The following TRAPPC11 variants were observed in gnomAD, a reference collection of about 807,000 sequenced individuals.
The protein encoded by TRAPPC11 is foie gras homolog.
Under a neutral mutation model 151.2 loss-of-function variants are expected in TRAPPC11, and 104 were observed. The ratio of observed to expected loss-of-function variants is 0.69; its 90% CI spans 0.59 to 0.81. The LOEUF (loss-of-function observed/expected upper bound fraction) is 0.81. Ranked by LOEUF, TRAPPC11 falls within the 30% of genes least tolerant of loss-of-function variation. TRAPPC11 has a pLI of 0.00. For missense variants in TRAPPC11, 1,230 were observed against 1,349.6 expected (o/e 0.91, Z 1.39); for synonymous variants, 456 against 472.3 (o/e 0.97, Z 0.45).
chr4:183,709,979 C>G (rs192324867), intron 29 of TRAPPC11, among the ~76,000 whole-genome samples: 167 of 152,224 alleles, frequency 1.1e-3, no homozygotes, highest in Non-Finnish European at 1.7e-3. Context: ...TCCATAATGT[C>G]CCTTTAGCTG....
At position 183,663,742 on chromosome 4, in the gene TRAPPC11, T is replaced by TG. The variant is rs1734686591; in HGVS notation, c.-21-105_-21-104insG. The TG allele has an allele frequency of 5.9e-6, 3 of 509,020 alleles. No individual in the cohort carries two copies. In the South Asian group the frequency reaches 9.0e-5, roughly 15 times the overall value. The allele number at this position is 509,020 out of a possible 1,614,324, so 31.5% of individuals were successfully genotyped here. A position where few individuals can be genotyped will look rare whatever the true frequency, so the allele number is the denominator to read the frequency against. ...TTGGAAATGAATATGAGTTGTTTTT[T>TG]TTTTTTTTTTTTTGAGACAGAGTTT... On this transcript the variant is annotated intron_variant, in intron 1 of 29. Transcript: ENST00000334690.
intron 11 of TRAPPC11, among the ~76,000 whole-genome samples, chr4:183,683,620 C>T (rs527420674): frequency 1.2e-3 from 186 of 151,884 alleles, no homozygotes; most frequent in Non-Finnish European, 2.2e-3. Flanking sequence ...GTGATTGTAC[C>T]GCTGCACTCC....
chr4:183,693,939 G>A lies in TRAPPC11; in HGVS notation c.2409G>A (p.Gln803=). 3 of 1,613,662 alleles carry A rather than the reference G, an allele frequency of 1.9e-6. No homozygotes were observed. The highest frequency in any genetic ancestry group is 2.5e-6 in the Non-Finnish European group (3 of 1,179,662). Residue 803 remains glutamine, a synonymous_variant, in exon 22 of 30, where the codon CAG becomes CAA. Transcript: ENST00000334690. The part of the protein sequence containing the change: ...LKPGQDANLT[Q]KTHVTLHGTE... ...TAGGACAGGATGCCAATTTAACTCA[G>A]AAGACTCACGTGACTCTTCATGGAA...
At position 183,685,726 on chromosome 4, in the gene TRAPPC11, A is replaced by T. The variant is rs11936222; in HGVS notation, c.1762+323A>T. On this transcript the variant is annotated intron_variant, in intron 17 of 29. Coordinates refer to ENST00000334690, the MANE Select transcript of TRAPPC11 (RefSeq NM_021942.6). ...ATAATAAAATGGTTCTTTTTCATTT[A>T]AAATCTTGTCATCTACATTTCAGGA... 0.023 allele frequency among the ~76,000 whole-genome samples: 3,492 copies of T among 152,278 alleles called. 145 individuals carry two copies. Among genetic ancestry groups the T allele is most frequent in the African/African-American group, 0.08 (3,309 of 41,570 alleles).
intron 29 of TRAPPC11, 55 bp downstream of exon 29, chr4:183,708,629 C>CT: frequency 6.5e-7 from 1 of 1,535,388 alleles, no homozygotes. Flanking sequence ...AACAAACAGA[C>CT]TTCTTTTTCA....
chr4:183,703,627 T>C (rs1222833748), intron 26 of TRAPPC11, among the ~76,000 whole-genome samples: 3 of 152,172 alleles, frequency 2.0e-5, no homozygotes, highest in African/African-American at 7.2e-5. Flanking sequence ...TCCCAGCACT[T>C]TCATAGACCT....
chr4:183,712,245 G>C (rs975325705), intron 29 of TRAPPC11, among the ~76,000 whole-genome samples: 1 of 152,226 alleles, frequency 6.6e-6, no homozygotes, highest in South Asian at 2.1e-4. Flanking sequence ...TGATAAACAA[G>C]GTTCCATTCC....
In TRAPPC11 at chr4:183,694,039, G is replaced by T. The variant is rs1736401876; in HGVS notation, c.2508+1G>T. The stretch of plus-strand genomic sequence containing the variant: ...TGGAGACTTACATCCAGGGGAACAG[G>T]TAAACTTGGTCAACTGGGATTGAAG... On this transcript the variant is annotated splice_donor_variant, in intron 22 of 29. Transcript: ENST00000334690. LOFTEE classifies it high-confidence loss of function. 6.2e-7 allele frequency: 1 copy of T among 1,612,804 alleles called. No homozygotes were observed. Among genetic ancestry groups the T allele is most frequent in the African/African-American group, 1.3e-5 (1 of 74,918 alleles).
chr4:183,693,556 G>T (rs1218247591), intron 20 of TRAPPC11, 33 bp from the exon 21 acceptor site: 65 of 1,546,430 alleles, frequency 4.2e-5, no homozygotes, highest in South Asian at 6.2e-5. Context: ...CTTTTTTTTT[G>T]ATCAGTTACT....
At chr4:183,709,079 G>A (rs1367774276) in intron 29 of TRAPPC11, among the ~76,000 whole-genome samples, 1 of 152,014 alleles carries the variant, frequency 6.6e-6, no homozygotes, top group Non-Finnish European at 1.5e-5. Flanking sequence ...TTGGAGGGAT[G>A]AGTGGTTAAT....
intron 1 of TRAPPC11, among the ~76,000 whole-genome samples, chr4:183,660,664 A>G (rs1441289270): frequency 1.3e-5 from 2 of 152,202 alleles, no homozygotes; most frequent in Non-Finnish European, 2.9e-5. Flanking sequence ...CCTCTAGTCT[A>G]GACTCGTTCA....
At chr4:183,662,017 T>G (rs1734577614) in intron 1 of TRAPPC11, among the ~76,000 whole-genome samples, 1 of 151,802 alleles carries the variant, frequency 6.6e-6, no homozygotes, top group African/African-American at 2.4e-5. Context: ...TCTGGCCTTG[T>G]CCTCCAAAAG....
At chr4:183,686,547 T>C (rs1735977520) in intron 17 of TRAPPC11, 71 bp from the exon 18 acceptor site, 1 of 1,555,202 alleles carries the variant, frequency 6.4e-7, no homozygotes, top group Non-Finnish European at 8.7e-7. Flanking sequence ...AGAATCAATT[T>C]GGTTAACAGG....
rs2111065159 is a variant in TRAPPC11 at position 183,693,062 on chromosome 4, C to T, written c.2152C>T (p.Gln718Ter). The T allele has an allele frequency of 6.2e-7, 1 of 1,613,702 alleles. No individual in the cohort carries two copies. The change falls in exon 20 of 30, where the codon CAG becomes TAG. Residue 718 changes from glutamine (Q) to a stop codon, truncating the protein, a stop_gained. Transcript: ENST00000334690. LOFTEE classifies it high-confidence loss of function. ...TGCTGCTTCCTCCCAAGAAGCCTTACAGGCAGCTCGGTCTTTCAAAAGGCG... is the reference window on the plus strand; with the variant it reads ...TGCTGCTTCCTCCCAAGAAGCCTTATAGGCAGCTCGGTCTTTCAAAAGGCG... Reference protein sequence around the residue: ...GDAASSQEALQAARSFKRRPK... With the variant: ...GDAASSQEAL
intron 18 of TRAPPC11, among the ~76,000 whole-genome samples, chr4:183,690,145 G>C (rs774045393): frequency 6.6e-6 from 1 of 152,006 alleles, no homozygotes; most frequent in African/African-American, 2.4e-5. Context: ...GGAGGTTGTA[G>C]TGAGCTGAAA....
chr4:183,663,709 T>G, intron 1 of TRAPPC11, 138 bp from the exon 2 acceptor site: 2 of 611,928 alleles, frequency 3.3e-6, no homozygotes, highest in South Asian at 4.2e-5. Flanking sequence ...TAAATAGAGA[T>G]TCATATATTG....
intron 26 of TRAPPC11, among the ~76,000 whole-genome samples, chr4:183,702,976 A>C (rs1243682314): frequency 1.3e-5 from 2 of 152,222 alleles, no homozygotes; most frequent in Non-Finnish European, 2.9e-5. Flanking sequence ...TAAAGGAAAA[A>C]TTTTTTAACC....
intron 25 of TRAPPC11, 103 bp downstream of exon 25, chr4:183,697,938 G>A (rs1286478755): frequency 8.6e-7 from 1 of 1,168,294 alleles, no homozygotes; most frequent in Non-Finnish European, 1.2e-6. Flanking sequence ...TTTTTGCTAA[G>A]TGAGGGAACT....
intron 5 of TRAPPC11, among the ~76,000 whole-genome samples, chr4:183,673,050 T>C (rs12507079): frequency 0.5 from 75,017 of 149,776 alleles, 19,553 homozygotes; most frequent in African/African-American, 0.65. Context: ...GCAAGCTCCG[T>C]CTCCTGGGTT....
Sources: allele counts gnomAD v4.1 joint callset (sites outside exome capture counted in the v4.1 genomes callset), GRCh38; gene constraint gnomAD v4.1.1; transcripts MANE v1.5; gene names NCBI Gene and HGNC (gene_info 2026-07-23, HGNC 2026-07-21).